NCAM2: variants seen among roughly 807,000 people sequenced by gnomAD.
NCAM2 encodes the protein neural cell adhesion molecule 2, also known as N-CAM-2.
NCAM2 carries 30 observed loss-of-function variants against 98.1 expected under a neutral mutation model. That is an observed-to-expected ratio of 0.31 (90% CI 0.23 to 0.41). NCAM2 has a LOEUF of 0.41. NCAM2 is among the 10% of genes least tolerant of loss of function. The pLI, the probability that NCAM2 is intolerant of heterozygous loss-of-function variation, is 1.00. For synonymous variants in NCAM2, 368 were observed against 342.4 expected (o/e 1.07, Z -0.83); for missense variants, 867 against 1,005.8 (o/e 0.86, Z 1.87).
At position 21,540,882 on chromosome 21, in the gene NCAM2, T is replaced by C. The variant is rs1286921212; in HGVS notation, c.*2925T>C. 2 of 151,976 alleles carry C rather than the reference T, an allele frequency of 1.3e-5. No homozygotes were observed. Among genetic ancestry groups the C allele is most frequent in the African/African-American group, 4.8e-5 (2 of 41,442 alleles). 9.4% of individuals were successfully genotyped at this position (151,976 alleles called of 1,614,324 possible). On this transcript the variant is annotated 3_prime_UTR_variant, in exon 18 of 18. Transcript: ENST00000400546. ...TGACACAAATTAATGTGTCAACATA[T>C]TTTACAATGATTGTCAAAGGAATTT...
At chr21:21,507,044 T>C (rs926699054) in intron 15 of NCAM2, among the ~76,000 whole-genome samples, 1 of 152,000 alleles carries the variant, frequency 6.6e-6, no homozygotes, top group African/African-American at 2.4e-5. Context: ...ATGATTTTTT[T>C]TTTCAAAACT....
At chr21:21,329,775 A>G (rs189884470) in intron 6 of NCAM2, among the ~76,000 whole-genome samples, 1 of 152,092 alleles carries the variant, frequency 6.6e-6, no homozygotes, top group Non-Finnish European at 1.5e-5. Context: ...TGCCAGTGAA[A>G]CCATCCATGT....
chr21:21,113,672 C>G lies in NCAM2; in HGVS notation c.55+115054C>G, dbSNP rs570538454. On this transcript the variant is annotated intron_variant, in intron 1 of 17. Coordinates refer to ENST00000400546, the MANE Select transcript of NCAM2 (RefSeq NM_004540.5). The stretch of plus-strand genomic sequence containing the variant: ...GTGTGTTTGTCAATTCAGGGAAGTA[C>G]TAGGAATTGTTATCAACTCTTAACG... Among the ~76,000 whole-genome samples the G allele has an allele frequency of 7.2e-5, 11 of 152,182 alleles. No individual in the cohort carries two copies. In the East Asian group the frequency reaches 7.7e-4, roughly 11 times the overall value.
intron 8 of NCAM2, among the ~76,000 whole-genome samples, chr21:21,364,253 A>G (rs1477547745): frequency 2.0e-5 from 3 of 151,972 alleles, no homozygotes; most frequent in Admixed American, 1.3e-4. Context: ...CAATAAATAT[A>G]GGCATATTTA....
intron 15 of NCAM2, among the ~76,000 whole-genome samples, chr21:21,490,560 A>G (rs558978373): frequency 5.5e-4 from 83 of 152,028 alleles, no homozygotes; most frequent in Admixed American, 5.2e-4. Flanking sequence ...TTTAGAAAAT[A>G]TATTTTTATT....
intron 15 of NCAM2, among the ~76,000 whole-genome samples, chr21:21,478,625 G>T (rs1985465204): frequency 6.6e-6 from 1 of 151,994 alleles, no homozygotes; most frequent in East Asian, 1.9e-4. Context: ...GCTTTATATT[G>T]CTAATGTTAA....
At chr21:21,312,927 T>C (rs1313406912) in intron 5 of NCAM2, among the ~76,000 whole-genome samples, 3 of 151,804 alleles carry the variant, frequency 2.0e-5, no homozygotes, top group African/African-American at 7.2e-5. Context: ...GGATTGTTTT[T>C]GTTATATATT....
chr21:21,264,972 CATATATATTATATATGTGTATGTGTATAT>C (rs1568854950), intron 1 of NCAM2, among the ~76,000 whole-genome samples: 3 of 82,514 alleles, frequency 3.6e-5, no homozygotes, highest in Admixed American at 1.3e-4. Flanking sequence ...TATATATACA[CATATATATTATATATGTGTATGTGTATAT>C]ATACACATAT....
chr21:21,274,948 C>T (rs1365170127), intron 1 of NCAM2, among the ~76,000 whole-genome samples: 2 of 151,872 alleles, frequency 1.3e-5, no homozygotes, highest in Admixed American at 6.6e-5. Context: ...TAGCAAAGGG[C>T]GCTTGGTACC....
At position 21,279,989 on chromosome 21, in the gene NCAM2, C is replaced by CA. The variant is rs998593951; in HGVS notation, c.56-582dup. On this transcript the variant is annotated intron_variant, in intron 1 of 17. Coordinates refer to ENST00000400546, the MANE Select transcript of NCAM2 (RefSeq NM_004540.5). ...TTCAAGTATTTTATTTCAAATTTCA[C>CA]AAAAAAATTATTTAAAATATCAGGC... Among the ~76,000 whole-genome samples, 7 of 152,236 alleles carry CA rather than the reference C, an allele frequency of 4.6e-5. No homozygotes were observed. In the South Asian group the frequency reaches 6.2e-4, roughly 14 times the overall value.
intron 14 of NCAM2, among the ~76,000 whole-genome samples, chr21:21,475,844 T>A (rs1302036272): frequency 6.6e-6 from 1 of 152,158 alleles, no homozygotes; most frequent in Non-Finnish European, 1.5e-5. Context: ...TCCTTTGTAA[T>A]GGAAGTTCTA....
intron 13 of NCAM2, among the ~76,000 whole-genome samples, chr21:21,466,993 T>C (rs1983766719): frequency 6.6e-6 from 1 of 152,038 alleles, no homozygotes; most frequent in Non-Finnish European, 1.5e-5. Flanking sequence ...AGTGTCCTTC[T>C]TACTTATGGT....
chr21:21,475,973 T>G (rs1406083697), intron 14 of NCAM2, among the ~76,000 whole-genome samples: 1 of 152,176 alleles, frequency 6.6e-6, no homozygotes, highest in Non-Finnish European at 1.5e-5. Flanking sequence ...TGCCTCCTTC[T>G]GAAGGACACT....
intron 8 of NCAM2, among the ~76,000 whole-genome samples, chr21:21,352,725 C>CAAA (rs1019900217): frequency 7.0e-6 from 1 of 141,992 alleles, no homozygotes; most frequent in Non-Finnish European, 1.5e-5. Context: ...AAGTGTTTTT[C>CAAA]TAGTTATACA....
intron 12 of NCAM2, among the ~76,000 whole-genome samples, chr21:21,460,930 G>A (rs912734712): frequency 1.8e-5 from 2 of 114,226 alleles, no homozygotes; most frequent in African/African-American, 6.0e-5. Context: ...AGTTCACCTG[G>A]CTAAAAAAAA....
chr21:21,430,062 C>G (rs984729698), intron 11 of NCAM2, among the ~76,000 whole-genome samples: 1 of 151,996 alleles, frequency 6.6e-6, no homozygotes, highest in African/African-American at 2.4e-5. Flanking sequence ...GAGTCTCTCT[C>G]TGTTGCCCAG....
intron 9 of NCAM2, among the ~76,000 whole-genome samples, chr21:21,405,535 T>G (rs2145891347): frequency 6.6e-6 from 1 of 152,286 alleles, no homozygotes; most frequent in East Asian, 1.9e-4. Flanking sequence ...ATTATTATAT[T>G]TGAAGACGTT....
chr21:21,302,484 T>G (rs2147654246), intron 5 of NCAM2, among the ~76,000 whole-genome samples: 1 of 152,212 alleles, frequency 6.6e-6, no homozygotes, highest in South Asian at 2.1e-4. Flanking sequence ...TCTGTACCAG[T>G]ACCACATTGT....
chr21:21,531,328 AG>A (rs891181658), intron 16 of NCAM2, among the ~76,000 whole-genome samples: 8 of 152,238 alleles, frequency 5.3e-5, no homozygotes, highest in Admixed American at 2.0e-4. Context: ...TGAAAGTTTC[AG>A]TAATATATTT....
Sources: gnomAD v4.1 joint callset for allele counts (sites outside exome capture counted in the v4.1 genomes callset) on GRCh38, gnomAD v4.1.1 for gene constraint, MANE v1.5 for transcripts, NCBI Gene and HGNC (gene_info 2026-07-23, HGNC 2026-07-21) for gene names.